LRRTM4: variants seen among roughly 807,000 people sequenced by gnomAD.
LRRTM4 encodes leucine-rich repeat transmembrane neuronal protein 4.
A neutral mutation model predicts 47.6 loss-of-function variants in LRRTM4; 25 were observed. The observed-to-expected ratio is 0.53, with a 90% confidence interval of 0.38 to 0.73. The LOEUF is 0.73. LRRTM4 is among the 30% of genes least tolerant of loss of function. LRRTM4 has a pLI of 0.00. For synonymous variants in LRRTM4, 311 were observed against 269.5 expected (o/e 1.15, Z -1.51); for missense variants, 638 against 713.4 (o/e 0.89, Z 1.20).
chr2:76,913,698 C>A (rs530698800), intron 3 of LRRTM4, among the ~76,000 whole-genome samples: 2 of 152,008 alleles, frequency 1.3e-5, no homozygotes, highest in East Asian at 3.9e-4. Context: ...CACCACCACA[C>A]CAGCTAATTT....
intron 3 of LRRTM4, among the ~76,000 whole-genome samples, chr2:76,871,324 G>A (rs1021425649): frequency 5.3e-5 from 8 of 152,078 alleles, no homozygotes; most frequent in African/African-American, 1.7e-4. Context: ...TACAGATAAT[G>A]GAAAGAGCAT....
At chr2:77,333,132 G>A (rs1324093035) in intron 3 of LRRTM4, among the ~76,000 whole-genome samples, 2 of 152,136 alleles carry the variant, frequency 1.3e-5, no homozygotes, top group Non-Finnish European at 2.9e-5. Context: ...ATTATTGTGA[G>A]GACTTCCCAG....
At chr2:76,893,803 T>C (rs534660959) in intron 3 of LRRTM4, among the ~76,000 whole-genome samples, 23 of 151,912 alleles carry the variant, frequency 1.5e-4, no homozygotes, top group Admixed American at 1.4e-3. Context: ...CATCTATGTG[T>C]CCCAAGGATA....
chr2:77,244,606 T>A (rs1219885272), intron 3 of LRRTM4, among the ~76,000 whole-genome samples: 1 of 152,028 alleles, frequency 6.6e-6, no homozygotes, highest in Non-Finnish European at 1.5e-5. Context: ...CTGATACTTA[T>A]GTCCTTATGT....
At chr2:77,129,890 A>T (rs1671749167) in intron 3 of LRRTM4, among the ~76,000 whole-genome samples, 1 of 152,130 alleles carries the variant, frequency 6.6e-6, no homozygotes, top group South Asian at 2.1e-4. Flanking sequence ...GAAAAACATA[A>T]TAGAGGGCTC....
At chr2:77,270,663 C>T (rs753866328) in intron 3 of LRRTM4, among the ~76,000 whole-genome samples, 4 of 152,118 alleles carry the variant, frequency 2.6e-5, no homozygotes, top group African/African-American at 4.8e-5. Flanking sequence ...ATGATAGTGA[C>T]GAGGCAGCCA....
chr2:77,438,720 T>G (rs1249578411), intron 3 of LRRTM4, among the ~76,000 whole-genome samples: 1 of 152,170 alleles, frequency 6.6e-6, no homozygotes, highest in Non-Finnish European at 1.5e-5. Flanking sequence ...ATGATAATTT[T>G]AAAAATGTAA....
intron 3 of LRRTM4, among the ~76,000 whole-genome samples, chr2:76,820,399 T>A (rs187433619): frequency 1.3e-5 from 2 of 151,884 alleles, no homozygotes; most frequent in Admixed American, 6.6e-5. Context: ...TAAAGCAATG[T>A]TAGTAGGATT....
intron 3 of LRRTM4, among the ~76,000 whole-genome samples, chr2:76,913,748 T>C (rs990883157): frequency 1.3e-5 from 2 of 151,934 alleles, no homozygotes; most frequent in Admixed American, 6.6e-5. Context: ...CATGTTGGTC[T>C]GGCTGGTCTC....
At chr2:77,224,187 T>C (rs1053693779) in intron 3 of LRRTM4, among the ~76,000 whole-genome samples, 8 of 151,742 alleles carry the variant, frequency 5.3e-5, no homozygotes, top group African/African-American at 1.7e-4. Flanking sequence ...ATCCCTTCCT[T>C]ACACCTTATA....
chr2:76,980,526 G>C (rs1483934057), intron 3 of LRRTM4, among the ~76,000 whole-genome samples: 2 of 152,050 alleles, frequency 1.3e-5, no homozygotes, highest in Admixed American at 1.3e-4. Context: ...GAAAAGAGAA[G>C]ACAGATCACT....
intron 3 of LRRTM4, among the ~76,000 whole-genome samples, chr2:77,479,194 C>A (rs1225195516): frequency 6.6e-6 from 1 of 152,152 alleles, no homozygotes; most frequent in East Asian, 1.9e-4. Context: ...CTGCACCTGG[C>A]TGTAATTCAG....
intron 3 of LRRTM4, among the ~76,000 whole-genome samples, chr2:77,198,132 G>A (rs1673879770): frequency 6.6e-6 from 1 of 152,178 alleles, no homozygotes; most frequent in South Asian, 2.1e-4. Flanking sequence ...ACTGAGGGCT[G>A]CTTTGATCAC....
chr2:77,149,461 A>C (rs72911874), intron 3 of LRRTM4, among the ~76,000 whole-genome samples: 3,115 of 152,274 alleles, frequency 0.02, 118 homozygotes, highest in African/African-American at 0.07. Context: ...AAAGAAGAAG[A>C]AGCAAAGGCT....
At chr2:77,417,372 CCCAG>C (rs1674676787) in intron 3 of LRRTM4, among the ~76,000 whole-genome samples, 1 of 151,996 alleles carries the variant, frequency 6.6e-6, no homozygotes, top group South Asian at 2.1e-4. Context: ...TACCATTTGA[CCCAG>C]CCATCCCATT....
At position 77,042,113 on chromosome 2, in the gene LRRTM4, G is replaced by A. The variant is rs1679054781; in HGVS notation, c.1552-293197C>T. ...TGAACAATTGACAAATTCTGAATAA[G>A]GCCTATGGTTTTAGATAATAGTATT... On this transcript the variant is annotated intron_variant, in intron 3 of 3. Coordinates refer to ENST00000409884, the MANE Select transcript of LRRTM4 (RefSeq NM_001134745.3). Among the ~76,000 whole-genome samples, 7 of 151,326 alleles carry A rather than the reference G, an allele frequency of 4.6e-5. No individual in the cohort carries two copies. The South Asian group carries it at 1.5e-3, about 31-fold the overall frequency.
intron 3 of LRRTM4, among the ~76,000 whole-genome samples, chr2:77,260,253 T>G (rs1675882369): frequency 6.6e-6 from 1 of 152,024 alleles, no homozygotes; most frequent in Non-Finnish European, 1.5e-5. Flanking sequence ...TAGAAGAGGT[T>G]GAAGATACAG....
chr2:77,232,012 A>G (rs1232263303), intron 3 of LRRTM4, among the ~76,000 whole-genome samples: 2 of 152,198 alleles, frequency 1.3e-5, no homozygotes, highest in African/African-American at 4.8e-5. Flanking sequence ...ACATTTTCAA[A>G]TAAATTCTAG....
Position 77,400,288 on chromosome 2 carries a change from T to C in LRRTM4, c.1551+118030A>G, listed in dbSNP as rs1232288222. Among the ~76,000 whole-genome samples the C allele has an allele frequency of 3.3e-5, 5 of 151,976 alleles. No homozygotes were observed. In the South Asian group the frequency reaches 6.2e-4, roughly 19 times the overall value. On this transcript the variant is annotated intron_variant, in intron 3 of 3. Coordinates refer to ENST00000409884, the MANE Select transcript of LRRTM4 (RefSeq NM_001134745.3). ...TGCTCTATTGCCTACAGCTGAGTAA[T>C]TGGCTCTACAATTTGCTCTAATGAC...
Sources: allele counts gnomAD v4.1 joint callset (sites outside exome capture counted in the v4.1 genomes callset), GRCh38; gene constraint gnomAD v4.1.1; transcripts MANE v1.5; gene names NCBI Gene and HGNC (gene_info 2026-07-23, HGNC 2026-07-21).